Variants in PLPPR1 observed in about 807,000 individuals in gnomAD.
The protein encoded by PLPPR1 is phospholipid phosphatase related 1, also known as phospholipid phosphatase-related protein type 1.
Under a neutral mutation model 33.1 loss-of-function variants are expected in PLPPR1, and 10 were observed. The ratio of observed to expected loss-of-function variants is 0.30; its 90% CI spans 0.19 to 0.51. The LOEUF (loss-of-function observed/expected upper bound fraction) is 0.51. Ranked by LOEUF, PLPPR1 falls within the 20% of genes least tolerant of loss-of-function variation. PLPPR1 has a pLI of 0.97. For missense variants in PLPPR1, 304 were observed against 408.1 expected (o/e 0.74, Z 2.20); for synonymous variants, 151 against 151.0 (o/e 1.00, Z 0.00).
At chr9:101,245,069 C>A (rs894609170) in intron 2 of PLPPR1, among the ~76,000 whole-genome samples, 2 of 151,936 alleles carry the variant, frequency 1.3e-5, no homozygotes, top group African/African-American at 4.8e-5. Flanking sequence ...AACCCTGCTG[C>A]TAAGCATGGA....
chr9:101,145,744 A>T (rs890095737), intron 1 of PLPPR1, among the ~76,000 whole-genome samples: 3 of 150,382 alleles, frequency 2.0e-5, no homozygotes, highest in African/African-American at 7.3e-5. Flanking sequence ...GTCAGGCCAG[A>T]TGTGGTGGCT....
At chr9:101,108,570 C>G (rs1056527041) in intron 1 of PLPPR1, among the ~76,000 whole-genome samples, 2 of 152,128 alleles carry the variant, frequency 1.3e-5, no homozygotes, top group African/African-American at 4.8e-5. Context: ...CAGGCATAGA[C>G]AAGAACTGTC....
intron 1 of PLPPR1, among the ~76,000 whole-genome samples, chr9:101,070,974 ATTGTGAAATATCAGTCAAAAGCC>A (rs1830476420): frequency 6.6e-6 from 1 of 151,564 alleles, no homozygotes; most frequent in African/African-American, 2.4e-5. Context: ...CTAGAGTGGG[ATTGTGAAATATCAGTCAAAAGCC>A]TTTTCAGGAG....
At chr9:101,304,018 C>A (rs2118946236) in intron 4 of PLPPR1, among the ~76,000 whole-genome samples, 2 of 152,286 alleles carry the variant, frequency 1.3e-5, no homozygotes, top group Middle Eastern at 3.4e-3. Flanking sequence ...TGACATAGAT[C>A]TCCATACTCT....
chr9:101,095,627 A>G (rs551083052), intron 1 of PLPPR1, among the ~76,000 whole-genome samples: 4 of 152,298 alleles, frequency 2.6e-5, no homozygotes, highest in Admixed American at 1.3e-4. Flanking sequence ...AGGCATTACT[A>G]TCCCCTTTAT....
chr9:101,254,050 C>T (rs1164847713), intron 2 of PLPPR1, among the ~76,000 whole-genome samples: 2 of 151,902 alleles, frequency 1.3e-5, no homozygotes, highest in African/African-American at 2.4e-5. Context: ...CCAGCAGTCC[C>T]CAACATTTTT....
intron 1 of PLPPR1, among the ~76,000 whole-genome samples, chr9:101,110,631 T>C (rs1588032702): frequency 6.6e-6 from 1 of 152,168 alleles, no homozygotes; most frequent in Non-Finnish European, 1.5e-5. Context: ...GGTAGAGATA[T>C]AATGTCCTGA....
At chr9:101,034,581 C>A (rs766945583) in intron 1 of PLPPR1, among the ~76,000 whole-genome samples, 1 of 152,104 alleles carries the variant, frequency 6.6e-6, no homozygotes, top group African/African-American at 2.4e-5. Flanking sequence ...ATAAACTGTG[C>A]GACTTTGGGC....
intron 2 of PLPPR1, among the ~76,000 whole-genome samples, chr9:101,212,818 C>A (rs529548905): frequency 6.6e-6 from 1 of 152,248 alleles, no homozygotes; most frequent in African/African-American, 2.4e-5. Context: ...ATGATGTTGT[C>A]AGTTGTAACA....
chr9:101,298,900 A>G (rs749402133), intron 4 of PLPPR1, among the ~76,000 whole-genome samples: 3 of 152,214 alleles, frequency 2.0e-5, no homozygotes, highest in Admixed American at 6.5e-5. Context: ...GCTGTATACC[A>G]TGAGAATTGT....
intron 6 of PLPPR1, among the ~76,000 whole-genome samples, chr9:101,316,081 C>G (rs888341668): frequency 6.6e-6 from 1 of 152,148 alleles, no homozygotes; most frequent in African/African-American, 2.4e-5. Context: ...CAATAACCAG[C>G]AGAGGGACCT....
rs905696106 is a variant in PLPPR1 at position 101,323,983 on chromosome 9, C to A, written c.946-42C>A. The A allele has an allele frequency of 3.8e-6, 6 of 1,596,290 alleles. No individual in the cohort carries two copies. The African/African-American group carries it at 8.0e-5, about 21-fold the overall frequency. On this transcript the variant is annotated intron_variant, in intron 7 of 7. Transcript: ENST00000374874. The stretch of plus-strand genomic sequence containing the variant: ...GACAAGTGAGTGTGCACGTGTCAGG[C>A]AACCCTATCTCAGATTTTATCTGCT...
chr9:101,078,139 A>T (rs1306232889), intron 1 of PLPPR1, among the ~76,000 whole-genome samples: 1 of 19,428 alleles, frequency 5.1e-5, no homozygotes, highest in African/African-American at 2.1e-4. Context: ...AAGAAGAAGA[A>T]GAAGAAGAAG....
At chr9:101,197,234 C>A (rs964323276) in intron 2 of PLPPR1, among the ~76,000 whole-genome samples, 31 of 152,176 alleles carry the variant, frequency 2.0e-4, no homozygotes, top group African/African-American at 7.2e-4. Flanking sequence ...AAAGTTGCCT[C>A]ACCCTGCCAT....
chr9:101,040,447 A>T (rs1257522750), intron 1 of PLPPR1, among the ~76,000 whole-genome samples: 1 of 152,140 alleles, frequency 6.6e-6, no homozygotes, highest in Non-Finnish European at 1.5e-5. Context: ...CTTCTTGGTG[A>T]CTATAATGGA....
At chr9:101,043,446 T>C (rs1307325370) in intron 1 of PLPPR1, among the ~76,000 whole-genome samples, 3 of 151,586 alleles carry the variant, frequency 2.0e-5, no homozygotes, top group Non-Finnish European at 4.4e-5. Flanking sequence ...TGTATATGCA[T>C]ACACATATAT....
At chr9:101,051,198 A>G (rs1318790098) in intron 1 of PLPPR1, among the ~76,000 whole-genome samples, 1 of 152,012 alleles carries the variant, frequency 6.6e-6, no homozygotes. Flanking sequence ...TATTTTGCCC[A>G]TAAGTTTTTA....
At chr9:101,047,326 T>C (rs1052737403) in intron 1 of PLPPR1, among the ~76,000 whole-genome samples, 4 of 152,230 alleles carry the variant, frequency 2.6e-5, no homozygotes, top group Admixed American at 2.0e-4. Context: ...ATGTCTTCCA[T>C]ACTTTCACAT....
intron 1 of PLPPR1, among the ~76,000 whole-genome samples, chr9:101,041,098 G>A (rs1294554660): frequency 4.6e-5 from 7 of 152,142 alleles, no homozygotes; most frequent in African/African-American, 1.4e-4. Context: ...GGTCCCATAG[G>A]ACAGCTCTTA....
Sources: gnomAD v4.1 joint callset for allele counts (sites outside exome capture counted in the v4.1 genomes callset) on GRCh38, gnomAD v4.1.1 for gene constraint, MANE v1.5 for transcripts, NCBI Gene and HGNC (gene_info 2026-07-23, HGNC 2026-07-21) for gene names.